Variants in KLK15 observed in about 807,000 individuals in gnomAD.
KLK15 encodes the protein kallikrein related peptidase 15.
Under a neutral mutation model 21.1 loss-of-function variants are expected in KLK15, and 19 were observed. The ratio of observed to expected loss-of-function variants is 0.90; its 90% CI spans 0.63 to 1.32. The LOEUF (loss-of-function observed/expected upper bound fraction) is 1.32. Among genes scored for constraint, KLK15 ranks in the 40% most tolerant of loss-of-function variants. The probability of loss-of-function intolerance (pLI) is 0.00; values close to 1 mark genes in which losing one functional copy is unlikely to be tolerated. For synonymous variants in KLK15, 141 were observed against 141.5 expected (o/e 1.00, Z 0.03); for missense variants, 345 against 348.6 (o/e 0.99, Z 0.08).
rs759669685 is a variant in KLK15, at chr19:50,827,040, T to C, written c.319A>G (p.Ile107Val). ...GGCTGGACTAGGCGCAGCAACATGA[T>C]GTCGTTGCGGTGGCTGCGCGCTTCG... Residue 107 changes from isoleucine (I) to valine (V), a missense_variant, in exon 3 of 5, where the codon ATC becomes GTC. Coordinates refer to ENST00000598239, the Ensembl canonical transcript of KLK15. 6 of 1,606,436 alleles carry C rather than the reference T, an allele frequency of 3.7e-6. No homozygotes were observed. The South Asian group carries it at 4.4e-5, about 12-fold the overall frequency.
chr19:50,827,155 C>T, exon 3 of KLK15: 2 of 1,583,020 alleles, frequency 1.3e-6, no homozygotes, highest in Non-Finnish European at 1.7e-6. Flanking sequence ...GGCGCACTCT[C>T]ATGAAGCTGT....
chr19:50,831,198 A>G (rs994029446), intron 1 of KLK15: 3 of 365,046 alleles, frequency 8.2e-6, no homozygotes, highest in Non-Finnish European at 1.5e-5. Context: ...GACTCAGCTC[A>G]GGTTTGTGTA....
chr19:50,826,860 C>T lies in KLK15; in HGVS notation c.481+18G>A. On this transcript the variant is annotated intron_variant, in intron 3 of 4. Transcript: ENST00000598239. ...GGATTCCTTGAGGCCTCGCATCCAG[C>T]TCCATCCTTTCACGCACCTTGTGAC... 1 of 1,557,398 alleles carries T rather than the reference C, an allele frequency of 6.4e-7. No individual in the cohort carries two copies. Among genetic ancestry groups the T allele is most frequent in the East Asian group, 2.3e-5 (1 of 44,412 alleles).
upstream of KLK15, among the ~76,000 whole-genome samples, chr19:50,831,815 C>CTT (rs397938582): frequency 3.8e-4 from 55 of 143,128 alleles, no homozygotes; most frequent in East Asian, 1.0e-3. Context: ...CCTGTCCCAA[C>CTT]TTTTTTTTTT....
chr19:50,828,441 C>A (rs1212876210), intron 1 of KLK15, among the ~76,000 whole-genome samples: 2 of 151,684 alleles, frequency 1.3e-5, no homozygotes, highest in East Asian at 3.8e-4. Flanking sequence ...CATTCACGGT[C>A]ACCAAATTGT....
At chr19:50,826,511 T>C (rs1053023301) in intron 4 of KLK15, 110 bp downstream of exon 5, 1 of 1,337,286 alleles carries the variant, frequency 7.5e-7, no homozygotes, top group Non-Finnish European at 1.0e-6. Flanking sequence ...TCTCCAAGCC[T>C]AACCCTAGCA....
exon 1 of KLK15, chr19:50,831,492 T>C (rs1236202678): frequency 1.4e-6 from 2 of 1,456,976 alleles, no homozygotes; most frequent in Admixed American, 3.3e-5. Context: ...AGAAGCCACA[T>C]TGTGGAGGAG....
At chr19:50,827,584 C>G (rs2089905992) in intron 2 of KLK15, 78 bp downstream of exon 3, 2 of 1,469,100 alleles carry the variant, frequency 1.4e-6, no homozygotes, top group East Asian at 4.6e-5. Flanking sequence ...CTGGCGTCTG[C>G]CTCCGTCTTC....
At chr19:50,830,627 C>T (rs1271120857) in intron 1 of KLK15, 2 of 144,538 alleles carry the variant, frequency 1.4e-5, no homozygotes, top group East Asian at 3.8e-4. Flanking sequence ...CAGGGGCCCC[C>T]AGGAGTGAGG....
At chr19:50,827,714 C>T (rs756154694) in exon 2 of KLK15, 3 of 1,611,218 alleles carry the variant, frequency 1.9e-6, no homozygotes, top group East Asian at 2.2e-5. Context: ...ATGAGGGAAG[C>T]GCCACAGTTA....
Position 50,827,175 on chromosome 19 carries a change from T to C in KLK15, c.198-14A>G. 1 of 1,558,198 alleles carries C rather than the reference T, an allele frequency of 6.4e-7. No homozygotes were observed. The highest frequency in any genetic ancestry group is 8.6e-7 in the Non-Finnish European group (1 of 1,156,338). On this transcript the variant is annotated splice_polypyrimidine_tract_variant and intron_variant, in intron 2 of 4. Coordinates refer to ENST00000598239, the Ensembl canonical transcript of KLK15. ...ACTCTCATGAAGCTGTGCGGGCGAG[T>C]GGTTTTCCCGCCAGTGGAGTGCGGG...
upstream of KLK15, among the ~76,000 whole-genome samples, chr19:50,832,637 C>A (rs1264726815): frequency 6.6e-6 from 1 of 152,200 alleles, no homozygotes; most frequent in South Asian, 2.1e-4. Context: ...CTTTCAAGGA[C>A]AAAAGTGGCT....
upstream of KLK15, chr19:50,831,649 C>G (rs1318742893): frequency 6.0e-6 from 3 of 497,470 alleles, no homozygotes; most frequent in Non-Finnish European, 1.0e-5. Flanking sequence ...TCCCCTTCCC[C>G]CAACCCCACT....
chr19:50,827,625 C>G (rs2089906823), intron 2 of KLK15, 37 bp downstream of exon 3: 1 of 1,595,884 alleles, frequency 6.3e-7, no homozygotes, highest in Non-Finnish European at 8.6e-7. Flanking sequence ...CCCCCCGAAC[C>G]AGGCTCCCTC....
chr19:50,831,418 A>G, intron 1 of KLK15, 32 bp downstream of exon 2: 1 of 1,401,504 alleles, frequency 7.1e-7, no homozygotes, highest in Non-Finnish European at 9.3e-7. Context: ...ACCTGCTCCC[A>G]CAGACCTGGC....
At chr19:50,826,887 G>C (rs777028650) in exon 3 of KLK15, 2 of 1,560,206 alleles carry the variant, frequency 1.3e-6, no homozygotes, top group African/African-American at 1.4e-5. Context: ...CCTTGTGACC[G>C]GGGGCTCCCA....
chr19:50,827,248 A>AACGTTAATGGAAGTCCACCC, intron 2 of KLK15, 87 bp from the exon 4 acceptor site: 1 of 1,275,570 alleles, frequency 7.8e-7, no homozygotes, highest in Non-Finnish European at 1.1e-6. Flanking sequence ...AGAGTGGGCA[A>AACGTTAATGGAAGTCCACCC]CCCGAGGTCT....
At chr19:50,832,450 G>A (rs1406387287), upstream of KLK15, among the ~76,000 whole-genome samples, 1 of 149,334 alleles carries the variant, frequency 6.7e-6, no homozygotes, top group Non-Finnish European at 1.5e-5. Flanking sequence ...AGCCTCCCAA[G>A]CAATTGGGAT....
At chr19:50,826,030 C>T in intron 4 of KLK15, 82 bp from the exon 6 acceptor site, 2 of 1,389,968 alleles carry the variant, frequency 1.4e-6, no homozygotes, top group Non-Finnish European at 2.0e-6. Context: ...CAATCTCACC[C>T]CAAACCCAAT....
Sources: allele counts gnomAD v4.1 joint callset (sites outside exome capture counted in the v4.1 genomes callset), GRCh38; gene constraint gnomAD v4.1.1; transcripts MANE v1.5; gene names NCBI Gene and HGNC (gene_info 2026-07-23, HGNC 2026-07-21).